The following DDX4 variants were observed in gnomAD, a reference collection of about 807,000 sequenced individuals.
DDX4 encodes the protein probable ATP-dependent RNA helicase DDX4.
In DDX4, 25 loss-of-function variants were observed where a neutral mutation model predicts 100.0. The observed-to-expected ratio is 0.25, with a 90% CI of 0.18 to 0.35. The LOEUF (loss-of-function observed/expected upper bound fraction) is 0.35. DDX4 is among the 10% of genes least tolerant of loss of function. The probability of loss-of-function intolerance (pLI) is 1.00; values close to 1 mark genes in which losing one functional copy is unlikely to be tolerated. For missense variants in DDX4, 635 were observed against 882.4 expected (o/e 0.72, Z 3.55); for synonymous variants, 259 against 275.7 (o/e 0.94, Z 0.60).
At chr5:55,802,738 AC>A (rs1427766755) in intron 18 of DDX4, among the ~76,000 whole-genome samples, 1 of 152,242 alleles carries the variant, frequency 6.6e-6, no homozygotes, top group East Asian at 1.9e-4. Flanking sequence ...TCTAAAGAAA[AC>A]AAAAGCTGTC....
chr5:55,772,539 T>G (rs1741315672), intron 7 of DDX4, among the ~76,000 whole-genome samples: 1 of 152,218 alleles, frequency 6.6e-6, no homozygotes, highest in African/African-American at 2.4e-5. Flanking sequence ...TGCTATGGTT[T>G]GGATGTTTGT....
At chr5:55,799,082 T>C (rs923522317) in intron 18 of DDX4, among the ~76,000 whole-genome samples, 25 of 152,196 alleles carry the variant, frequency 1.6e-4, no homozygotes, top group African/African-American at 6.0e-4. Flanking sequence ...TTTTATTATC[T>C]TTTTAGAGAT....
At chr5:55,765,897 A>G (rs1346680179) in intron 6 of DDX4, among the ~76,000 whole-genome samples, 4 of 151,716 alleles carry the variant, frequency 2.6e-5, no homozygotes, top group East Asian at 1.9e-4. Context: ...CTCTGCGTCC[A>G]GGGTTCAAGT....
intron 19 of DDX4, among the ~76,000 whole-genome samples, chr5:55,814,700 C>T (rs1266627126): frequency 6.6e-6 from 1 of 152,124 alleles, no homozygotes; most frequent in Non-Finnish European, 1.5e-5. Context: ...TCATGTTGGC[C>T]AGACTGGTCT....
intron 7 of DDX4, among the ~76,000 whole-genome samples, chr5:55,771,660 TTAAAC>T (rs547543998): frequency 1.6e-4 from 24 of 152,234 alleles, no homozygotes; most frequent in Non-Finnish European, 3.5e-4. Context: ...TTTTCAGCGT[TTAAAC>T]TAAGATACAC....
intron 7 of DDX4, among the ~76,000 whole-genome samples, chr5:55,768,873 C>T (rs962846818): frequency 1.3e-5 from 2 of 152,036 alleles, no homozygotes; most frequent in Admixed American, 6.6e-5. Context: ...ATTTCTCTAA[C>T]GATTAGTGAT....
At chr5:55,775,771 T>C (rs1273884991) in intron 7 of DDX4, among the ~76,000 whole-genome samples, 4 of 152,226 alleles carry the variant, frequency 2.6e-5, no homozygotes, top group Non-Finnish European at 4.4e-5. Flanking sequence ...GATTGTCAGC[T>C]GTCCCTTATG....
chr5:55,753,486 A>G (rs1340980107), intron 3 of DDX4, among the ~76,000 whole-genome samples: 1 of 152,074 alleles, frequency 6.6e-6, no homozygotes, highest in African/African-American at 2.4e-5. Context: ...AGTTGTAGAT[A>G]TGCTGCGTTA....
At chr5:55,743,866 C>T (rs556962053) in intron 2 of DDX4, among the ~76,000 whole-genome samples, 7 of 147,858 alleles carry the variant, frequency 4.7e-5, no homozygotes, top group Non-Finnish European at 1.0e-4. Context: ...ATAAGTTTTT[C>T]AGTTCTTTAG....
At chr5:55,785,272 T>C in intron 10 of DDX4, 25 bp from the exon 11 acceptor site, 1 of 1,527,292 alleles carries the variant, frequency 6.5e-7, no homozygotes, top group Non-Finnish European at 9.1e-7. Flanking sequence ...CTTGACCGAT[T>C]GTCACTTATG....
intron 13 of DDX4, among the ~76,000 whole-genome samples, chr5:55,786,160 A>G (rs1309807262): frequency 6.6e-6 from 1 of 152,200 alleles, no homozygotes; most frequent in Non-Finnish European, 1.5e-5. Flanking sequence ...AGATTGTGAG[A>G]AAGTGTGTCT....
intron 17 of DDX4, among the ~76,000 whole-genome samples, chr5:55,795,844 A>G (rs553788982): frequency 1.2e-4 from 19 of 152,330 alleles, no homozygotes; most frequent in Middle Eastern, 3.4e-3. Flanking sequence ...TAGATATAAA[A>G]GGAAGTTTAT....
At chr5:55,815,289 A>G (rs372702574) in intron 20 of DDX4, 24 bp from the exon 21 acceptor site, 76 of 1,603,466 alleles carry the variant, frequency 4.7e-5, no homozygotes, top group Middle Eastern at 1.7e-4. Flanking sequence ...TTTATGTTGC[A>G]TATGAAGTCA....
chr5:55,784,734 A>G (rs754950267), intron 10 of DDX4, among the ~76,000 whole-genome samples: 1 of 152,178 alleles, frequency 6.6e-6, no homozygotes, highest in Non-Finnish European at 1.5e-5. Flanking sequence ...CTGAGTCTCT[A>G]ATGAGCTTCT....
intron 5 of DDX4, among the ~76,000 whole-genome samples, chr5:55,763,656 A>C (rs1740710684): frequency 6.6e-6 from 1 of 152,180 alleles, no homozygotes; most frequent in South Asian, 2.1e-4. Context: ...TGTCCTTAGC[A>C]GATGAAGAGA....
chr5:55,815,250 A>T (rs1744329695), intron 20 of DDX4, 63 bp from the exon 21 acceptor site: 2 of 1,595,030 alleles, frequency 1.3e-6, no homozygotes, highest in East Asian at 4.5e-5. Flanking sequence ...ATGTGTATAT[A>T]ACAAGTAAAC....
intron 18 of DDX4, among the ~76,000 whole-genome samples, chr5:55,805,623 C>T (rs1441510424): frequency 1.3e-5 from 2 of 152,170 alleles, no homozygotes; most frequent in Non-Finnish European, 2.9e-5. Flanking sequence ...TGCTGGATTA[C>T]ATTTATTGAT....
At chr5:55,762,195 T>A (rs1015800841) in intron 4 of DDX4, among the ~76,000 whole-genome samples, 2 of 152,188 alleles carry the variant, frequency 1.3e-5, no homozygotes, top group African/African-American at 4.8e-5. Context: ...TATATAGGGA[T>A]CACAGGGAAT....
intron 2 of DDX4, chr5:55,741,945 G>T: frequency 3.6e-6 from 1 of 277,732 alleles, no homozygotes; most frequent in Non-Finnish European, 7.4e-6. Flanking sequence ...CTTTTATAGC[G>T]GCTTTATCTG....
Sources: allele counts gnomAD v4.1 joint callset (sites outside exome capture counted in the v4.1 genomes callset), GRCh38; gene constraint gnomAD v4.1.1; transcripts MANE v1.5; gene names NCBI Gene and HGNC (gene_info 2026-07-23, HGNC 2026-07-21).